Variants in CXXC5 observed in about 807,000 individuals in gnomAD.
CXXC5 encodes the protein CXXC-type zinc finger protein 5.
CXXC5 carries 2 observed loss-of-function variants against 17.6 expected under a neutral mutation model. That is an observed-to-expected ratio of 0.11 (90% confidence interval 0.05 to 0.36). CXXC5 has a LOEUF of 0.36. Ranked by LOEUF, CXXC5 falls within the 10% of genes least tolerant of loss-of-function variation. CXXC5 has a pLI of 1.00. For missense variants in CXXC5, 343 were observed against 458.3 expected (o/e 0.75, Z 2.30); for synonymous variants, 171 against 193.0 (o/e 0.89, Z 0.94).
rs1441775583 is a variant in CXXC5 at position 139,681,059 on chromosome 5, A to C, written c.536A>C (p.His179Pro). The C allele has an allele frequency of 1.2e-6, 2 of 1,612,076 alleles. No homozygotes were observed. The highest frequency in any genetic ancestry group is 1.7e-5 in the Admixed American group (1 of 60,024). ...TEMLKRVVQE[H>P]LPLMSEAGAG... ...ATGCTGAAGCGCGTGGTGCAGGAGC[A>C]TCTCCCGCTGATGAGCGAGGCGGGT... Residue 179 changes from histidine (H) to proline (P), a missense_variant, in exon 2 of 3, where the codon CAT (histidine) becomes CCT (proline). Physicochemically the swap from His to Pro is moderately conservative, Grantham distance 77. Coordinates refer to ENST00000302517, the MANE Select transcript of CXXC5 (RefSeq NM_016463.9).
At chr5:139,650,257 C>T (rs563987272) in intron 1 of CXXC5, among the ~76,000 whole-genome samples, 4 of 152,244 alleles carry the variant, frequency 2.6e-5, no homozygotes, top group Middle Eastern at 6.8e-3. Context: ...CCTCCTTTGC[C>T]CCCTGGACTT....
In CXXC5 at chr5:139,658,768, C is replaced by T. The variant is rs1755625262; in HGVS notation, c.-161+9923C>T. Among the ~76,000 whole-genome samples the T allele has an allele frequency of 1.3e-5, 2 of 152,234 alleles. No homozygotes were observed. The highest frequency in any genetic ancestry group is 4.8e-5 in the African/African-American group (2 of 41,474). On this transcript the variant is annotated intron_variant, in intron 1 of 2. Transcript: ENST00000302517. The surrounding 1 kb of genome is among the most constrained non-coding windows in gnomAD (Gnocchi z 4.1). ...CCTCCCTTGGGGTCCTCAGCAGCCC[C>T]ATCTGTGCAATGGGGAGAGGAGGCT...
chr5:139,668,507 G>C lies in CXXC5; in HGVS notation c.-160-11857G>C, dbSNP rs1328553153. On this transcript the variant is annotated intron_variant, in intron 1 of 2. Transcript: ENST00000302517. The surrounding 1 kb of genome is among the most constrained non-coding windows in gnomAD (Gnocchi z 4.1). ...GCTCCAGGCCCGCTGCCCGCTCCAG[G>C]CCCGAGGTGATGGCGGCTGTTCCTG... is the stretch of plus-strand genomic sequence containing the variant. 1.3e-5 allele frequency among the ~76,000 whole-genome samples: 2 copies of C among 152,110 alleles called. No homozygotes were observed. The highest frequency in any genetic ancestry group is 2.9e-5 in the Non-Finnish European group (2 of 67,976).
At chr5:139,665,277 G>A (rs1035676554) in intron 1 of CXXC5, among the ~76,000 whole-genome samples, 5 of 152,256 alleles carry the variant, frequency 3.3e-5, no homozygotes, top group African/African-American at 7.2e-5. Context: ...CCGCAGCCGC[G>A]GCCTCCTCAG....
intron 1 of CXXC5, among the ~76,000 whole-genome samples, chr5:139,655,247 T>G (rs930433628): frequency 2.0e-5 from 3 of 152,118 alleles, no homozygotes; most frequent in African/African-American, 7.2e-5. Flanking sequence ...CTGGCTGTGA[T>G]GGAGGTGGTG....
chr5:139,674,081 C>T (rs556393907), intron 1 of CXXC5, among the ~76,000 whole-genome samples: 15 of 152,160 alleles, frequency 9.9e-5, no homozygotes, highest in Non-Finnish European at 1.9e-4. Context: ...CCTCTGGGTG[C>T]TCGCAGTGGC....
intron 2 of CXXC5, 166 bp downstream of exon 2, chr5:139,681,613 C>G (rs1224941290): frequency 2.6e-6 from 2 of 769,258 alleles, no homozygotes; most frequent in Admixed American, 3.3e-5. Context: ...CAGTTTACTG[C>G]CCCAAAAGTC....
At chr5:139,671,632 T>C (rs777559503) in intron 1 of CXXC5, among the ~76,000 whole-genome samples, 2 of 152,228 alleles carry the variant, frequency 1.3e-5, no homozygotes, top group Non-Finnish European at 1.5e-5. Flanking sequence ...GGCTGCGGAA[T>C]GCCCGGAGCT....
rs150852619 is a variant in CXXC5 at position 139,663,528 on chromosome 5, CGTT to C, written c.-161+14686_-161+14688del. The stretch of plus-strand genomic sequence containing the variant: ...AGCCTGGCCAGTGGGGTGCTACCCT[CGTT>C]GTAACCTTCAGGCTTCTACCACATG... On this transcript the variant is annotated intron_variant, in intron 1 of 2. Coordinates refer to ENST00000302517, the MANE Select transcript of CXXC5 (RefSeq NM_016463.9). The surrounding 1 kb of genome is among the most constrained non-coding windows in gnomAD (Gnocchi z 4.2). 1.0e-3 allele frequency among the ~76,000 whole-genome samples: 157 copies of C among 152,234 alleles called. 1 individual carries two copies. Among genetic ancestry groups the C allele is most frequent in the African/African-American group, 3.7e-3 (152 of 41,518 alleles).
At chr5:139,678,115 G>A (rs1756964126) in intron 1 of CXXC5, among the ~76,000 whole-genome samples, 1 of 152,244 alleles carries the variant, frequency 6.6e-6, no homozygotes. Flanking sequence ...CCCAGTATCT[G>A]GGCTGCCGGG....
At chr5:139,652,165 C>CGTGTGTGTGTGTGT (rs1478607245) in intron 1 of CXXC5, among the ~76,000 whole-genome samples, 1 of 139,552 alleles carries the variant, frequency 7.2e-6, no homozygotes, top group African/African-American at 2.8e-5. Context: ...CGCGCGCGCG[C>CGTGTGTGTGTGTGT]GCGCGCGTGT....
At chr5:139,653,577 T>A (rs946984527) in intron 1 of CXXC5, among the ~76,000 whole-genome samples, 5 of 152,158 alleles carry the variant, frequency 3.3e-5, no homozygotes, top group Non-Finnish European at 7.4e-5. Context: ...GGGTATTACA[T>A]GGAGCTGGAA....
At chr5:139,672,093 ATTT>A (rs936653107) in intron 1 of CXXC5, among the ~76,000 whole-genome samples, 1 of 151,362 alleles carries the variant, frequency 6.6e-6, no homozygotes, top group Non-Finnish European at 1.5e-5. Flanking sequence ...CCTGCTGTTT[ATTT>A]TTTTTTATTT....
Position 139,680,647 on chromosome 5 carries a change from G to C in CXXC5, c.124G>C (p.Ala42Pro). The C allele has an allele frequency of 6.2e-7, 1 of 1,611,926 alleles. No homozygotes were observed. The highest frequency in any genetic ancestry group is 8.5e-7 in the Non-Finnish European group (1 of 1,179,806). Residue 42 changes from alanine to proline, a missense_variant, in exon 2 of 3, where the codon GCT (alanine) becomes CCT (proline). Ala to Pro is a conservative substitution (Grantham distance 27). Coordinates refer to ENST00000302517, the MANE Select transcript of CXXC5 (RefSeq NM_016463.9). The stretch of plus-strand genomic sequence containing the variant: ...AGCAGCAGACAAGAGTGCAGTGGTG[G>C]CTGCCGCCGCACCAGCCTCAGTGGC... ...AGAADKSAVV[A>P]AAAPASVADD... is the part of the protein sequence containing the mutation.
chr5:139,670,682 G>A lies in CXXC5; in HGVS notation c.-160-9682G>A, dbSNP rs935595462. ...CGTAAACCACCCTATTCGCACACAC[G>A]TGCACTTGGACATCCATGTACATTC... On this transcript the variant is annotated intron_variant, in intron 1 of 2. Transcript: ENST00000302517. This position sits in a 1 kb window ranked among gnomAD's most constrained non-coding sequence, Gnocchi z 4.2. 2.0e-5 allele frequency among the ~76,000 whole-genome samples: 3 copies of A among 152,150 alleles called. No individual in the cohort carries two copies. Among genetic ancestry groups the A allele is most frequent in the Admixed American group, 1.3e-4 (2 of 15,274 alleles).
chr5:139,661,225 G>C lies in CXXC5; in HGVS notation c.-161+12380G>C, dbSNP rs930513002. Among the ~76,000 whole-genome samples, 1 of 152,198 alleles carries C rather than the reference G, an allele frequency of 6.6e-6. No individual in the cohort carries two copies. The highest frequency in any genetic ancestry group is 1.5e-5 in the Non-Finnish European group (1 of 68,028). On this transcript the variant is annotated intron_variant, in intron 1 of 2. Coordinates refer to ENST00000302517, the MANE Select transcript of CXXC5 (RefSeq NM_016463.9). This position sits in a 1 kb window ranked among gnomAD's most constrained non-coding sequence, Gnocchi z 4.7. ...TCGGCCATCAGCCCAGCAGAGCAGG[G>C]TGAGCTGGGCGGGCGGGCGGCAGGA... is the stretch of plus-strand genomic sequence containing the variant.
At chr5:139,654,947 C>T (rs891728900) in intron 1 of CXXC5, among the ~76,000 whole-genome samples, 4 of 152,122 alleles carry the variant, frequency 2.6e-5, no homozygotes, top group Admixed American at 2.6e-4. Flanking sequence ...CTGTGAGGCC[C>T]AGCCGTCCCT....
intron 1 of CXXC5, among the ~76,000 whole-genome samples, chr5:139,660,471 G>A (rs1331188714): frequency 1.3e-5 from 2 of 152,212 alleles, no homozygotes; most frequent in Non-Finnish European, 2.9e-5. Flanking sequence ...GCCTAAAGGC[G>A]TTTGGGGTGC....
At chr5:139,669,992 G>C (rs1451851289) in intron 1 of CXXC5, among the ~76,000 whole-genome samples, 4 of 152,196 alleles carry the variant, frequency 2.6e-5, no homozygotes, top group Admixed American at 2.0e-4. Context: ...AGCCTCCATC[G>C]ACCCTGGCCT....
Sources: allele counts gnomAD v4.1 joint callset (sites outside exome capture counted in the v4.1 genomes callset), GRCh38; gene constraint gnomAD v4.1.1; non-coding constraint Gnocchi (gnomAD v3.1); transcripts MANE v1.5; gene names NCBI Gene and HGNC (gene_info 2026-07-23, HGNC 2026-07-21).